EPSTI1: variants seen among roughly 807,000 people sequenced by gnomAD.
EPSTI1 encodes the protein epithelial-stromal interaction protein 1.
Under a neutral mutation model 49.9 loss-of-function variants are expected in EPSTI1, and 66 were observed. The observed-to-expected ratio is 1.32, with a 90% CI of 1.08 to 1.62. The LOEUF is 1.62. Ranked by LOEUF, EPSTI1 falls within the 40% of genes most tolerant of loss-of-function variation. The probability of loss-of-function intolerance (pLI) is 0.00; values close to 1 mark genes in which losing one functional copy is unlikely to be tolerated. For synonymous variants in EPSTI1, 137 were observed against 130.7 expected, an observed-to-expected ratio of 1.05 and a Z score of -0.33; for missense variants, 394 against 365.5, an observed-to-expected ratio of 1.08 and a Z score of -0.64.
At position 42,983,680 on chromosome 13, in the gene EPSTI1, G is replaced by T. The variant is rs2040029337; in HGVS notation, c.188+8298C>A. On this transcript the variant is annotated intron_variant, in intron 1 of 10. Transcript: ENST00000313624. ...TTCAAGATCCAAAATTTGGTAGATA[G>T]ACATAGGTTTGAATACTGGTTCTGT... is the stretch of plus-strand genomic sequence containing the variant. Among the ~76,000 whole-genome samples, 4 of 150,776 alleles carry T rather than the reference G, an allele frequency of 2.7e-5. No individual in the cohort carries two copies. In the South Asian group the frequency reaches 8.3e-4, roughly 31 times the overall value.
intron 5 of EPSTI1, among the ~76,000 whole-genome samples, chr13:42,962,532 G>T (rs2039481551): frequency 6.6e-6 from 1 of 151,820 alleles, no homozygotes; most frequent in East Asian, 1.9e-4. Flanking sequence ...CACTTTGGGA[G>T]GCCAAGGCAG....
Position 42,970,654 on chromosome 13 carries a change from A to C in EPSTI1, c.205T>G (p.Leu69Val). ...CTCCGGTTTATATTTGGTGCTATCAAGGTGTATGCACTTGTGCTAAAAGGA... is the reference window on the plus strand; with the variant it reads ...CTCCGGTTTATATTTGGTGCTATCACGGTGTATGCACTTGTGCTAAAAGGA... ...AGQRRTSAYT[L>V]IAPNINRRNE... Residue 69 changes from leucine to valine, a missense_variant, in exon 2 of 11, where the codon TTG (leucine) becomes GTG (valine). Physicochemically the swap from Leu to Val is conservative, Grantham distance 32 (BLOSUM62 1). Coordinates refer to ENST00000313624, the MANE Select transcript of EPSTI1 (RefSeq NM_033255.5). 1.2e-6 allele frequency: 2 copies of C among 1,609,720 alleles called. No homozygotes were observed. The highest frequency in any genetic ancestry group is 1.7e-6 in the Non-Finnish European group (2 of 1,178,946).
At chr13:42,948,932 G>A (rs1392263616) in intron 6 of EPSTI1, among the ~76,000 whole-genome samples, 2 of 152,168 alleles carry the variant, frequency 1.3e-5, no homozygotes, top group African/African-American at 4.8e-5. Context: ...GTAGCCAAGT[G>A]GATTCCAGAA....
chr13:42,898,044 G>A lies in EPSTI1; in HGVS notation c.815+2266C>T, dbSNP rs560875218. Among the ~76,000 whole-genome samples, 598 of 152,222 alleles carry A rather than the reference G, an allele frequency of 3.9e-3. 1 individual carries two copies. The highest frequency in any genetic ancestry group is 5.4e-3 in the Non-Finnish European group (368 of 68,012). On this transcript the variant is annotated intron_variant, in intron 9 of 10. Coordinates refer to ENST00000313624, the MANE Select transcript of EPSTI1 (RefSeq NM_033255.5). ...AAGTCCTTGACCCCCATGCTCTGTCGTTTCTCTCTGGAATTTCTACTTGTC... is the reference window on the plus strand; with the variant it reads ...AAGTCCTTGACCCCCATGCTCTGTCATTTCTCTCTGGAATTTCTACTTGTC...
At chr13:42,984,109 T>C (rs1446375764) in intron 1 of EPSTI1, among the ~76,000 whole-genome samples, 1 of 152,226 alleles carries the variant, frequency 6.6e-6, no homozygotes, top group Non-Finnish European at 1.5e-5. Flanking sequence ...ACTTTCTGCA[T>C]GCTAGAGATT....
chr13:42,886,891 A>G lies in EPSTI1; in HGVS notation c.*1603T>C, dbSNP rs2036880682. 3 of 152,128 alleles carry G rather than the reference A, an allele frequency of 2.0e-5. No homozygotes were observed. The highest frequency in any genetic ancestry group is 2.9e-5 in the Non-Finnish European group (2 of 68,026). The allele number at this position is 152,128 out of a possible 1,614,324, so 9.4% of individuals were successfully genotyped here. ...ACACCAACTTCCCTGAGAGCTTCCA[A>G]AGTAAGAAAGCATCCCTTTTTCCTA... On this transcript the variant is annotated 3_prime_UTR_variant, in exon 11 of 11. Transcript: ENST00000313624.
At chr13:42,941,173 T>A (rs1227865625) in intron 6 of EPSTI1, among the ~76,000 whole-genome samples, 1 of 152,224 alleles carries the variant, frequency 6.6e-6, no homozygotes, top group African/African-American at 2.4e-5. Context: ...ACATTTTTAT[T>A]GTGTTGATTC....
rs2038022759 is a variant in EPSTI1, at chr13:42,922,201, T to A, written c.657+4135A>T. Among the ~76,000 whole-genome samples, 1 of 152,228 alleles carries A rather than the reference T, an allele frequency of 6.6e-6. No homozygotes were observed. Among genetic ancestry groups the A allele is most frequent in the Non-Finnish European group, 1.5e-5 (1 of 68,044 alleles). On this transcript the variant is annotated intron_variant, in intron 7 of 10. Transcript: ENST00000313624. The surrounding 1 kb of genome is among the most constrained non-coding windows in gnomAD (Gnocchi z 4.8). The stretch of plus-strand genomic sequence containing the variant: ...GATACCAACACATATTAACAGATAT[T>A]CGGAGCTAACTAAGAAAAGAAACAG...
At chr13:42,901,775 TA>T (rs566795519) in intron 8 of EPSTI1, among the ~76,000 whole-genome samples, 1 of 152,342 alleles carries the variant, frequency 6.6e-6, no homozygotes, top group African/African-American at 2.4e-5. Context: ...AATTTTTTTT[TA>T]TTATTATACT....
At chr13:42,919,117 A>T (rs751495801) in intron 7 of EPSTI1, among the ~76,000 whole-genome samples, 2 of 152,166 alleles carry the variant, frequency 1.3e-5, no homozygotes, top group Non-Finnish European at 2.9e-5. Context: ...CCTCCCTTTA[A>T]ACTTGTCATT....
intron 9 of EPSTI1, among the ~76,000 whole-genome samples, chr13:42,897,056 T>C (rs1379098263): frequency 1.3e-5 from 2 of 148,874 alleles, no homozygotes; most frequent in Non-Finnish European, 3.0e-5. Context: ...GTGGAGATGA[T>C]GTCACTGCAC....
rs1356360520 is a variant in EPSTI1, at chr13:42,969,074, C to T, written c.331+20G>A. The T allele has an allele frequency of 6.2e-7, 1 of 1,613,706 alleles. No individual in the cohort carries two copies. The highest frequency in any genetic ancestry group is 1.3e-5 in the African/African-American group (1 of 75,050). Reference sequence around the variant, plus strand: ...GTGGCCCCGCCCTCCCTCATTCCGGCAGCGGCTGTGCTTGCTTACCTAGCC... The same window carrying T: ...GTGGCCCCGCCCTCCCTCATTCCGGTAGCGGCTGTGCTTGCTTACCTAGCC... On this transcript the variant is annotated intron_variant, in intron 3 of 10. Coordinates refer to ENST00000313624, the MANE Select transcript of EPSTI1 (RefSeq NM_033255.5).
chr13:42,889,117 G>T, intron 10 of EPSTI1: 1 of 998,504 alleles, frequency 1.0e-6, no homozygotes, highest in Non-Finnish European at 1.5e-6. Context: ...TGCCCCTGAA[G>T]ACATAGGATT....
intron 1 of EPSTI1, among the ~76,000 whole-genome samples, chr13:42,982,449 CT>C (rs2040002778): frequency 6.6e-6 from 1 of 152,214 alleles, no homozygotes; most frequent in Admixed American, 6.5e-5. Context: ...TATTCCTTTA[CT>C]TTCTTAATAA....
At chr13:42,910,900 T>C (rs2153415801) in intron 8 of EPSTI1, among the ~76,000 whole-genome samples, 1 of 152,304 alleles carries the variant, frequency 6.6e-6, no homozygotes, top group Admixed American at 6.5e-5. Context: ...GAATATAATG[T>C]TGGTTATTGG....
chr13:42,906,928 C>G (rs1178571332), intron 8 of EPSTI1, among the ~76,000 whole-genome samples: 3 of 152,126 alleles, frequency 2.0e-5, no homozygotes. Context: ...GTAAAATGAT[C>G]AAATCAGGGC....
intron 6 of EPSTI1, among the ~76,000 whole-genome samples, chr13:42,927,099 C>T (rs925607485): frequency 7.9e-5 from 12 of 151,890 alleles, no homozygotes; most frequent in Non-Finnish European, 1.6e-4. Context: ...TTAAAAAGTG[C>T]TGCTGATTCT....
intron 8 of EPSTI1, among the ~76,000 whole-genome samples, chr13:42,914,916 A>G (rs918412802): frequency 1.3e-5 from 2 of 152,250 alleles, no homozygotes; most frequent in African/African-American, 4.8e-5. Context: ...AGTGAATCAC[A>G]GGTAAAATAT....
chr13:42,942,658 CTTTTTTTTTTTTTTTTTTTTTTTTTTTT>C (rs1161224574), intron 6 of EPSTI1, among the ~76,000 whole-genome samples: 4 of 64,626 alleles, frequency 6.2e-5, no homozygotes, highest in Non-Finnish European at 1.1e-4. Context: ...CCTGTTGATT[CTTTTTTTTTTTTTTTTTTTTTTTTTTTT>C]TTTTTTTTTT....
Sources: gnomAD v4.1 joint callset for allele counts (sites outside exome capture counted in the v4.1 genomes callset) on GRCh38, gnomAD v4.1.1 for gene constraint, Gnocchi (gnomAD v3.1) non-coding constraint, MANE v1.5 for transcripts, NCBI Gene and HGNC (gene_info 2026-07-23, HGNC 2026-07-21) for gene names.